The following FKBP5 variants were observed in gnomAD, a reference collection of about 807,000 sequenced individuals.
FKBP5 encodes the protein peptidyl-prolyl cis-trans isomerase FKBP5.
In FKBP5, 23 loss-of-function variants were observed where a neutral mutation model predicts 50.5. The observed-to-expected ratio is 0.46, with a 90% CI of 0.33 to 0.65. The LOEUF is 0.65. FKBP5 is among the 30% of genes least tolerant of loss of function. The pLI is 0.02. For missense variants in FKBP5, 411 were observed against 553.1 expected, an observed-to-expected ratio of 0.74 and a Z score of 2.58; for synonymous variants, 176 against 190.6, an observed-to-expected ratio of 0.92 and a Z score of 0.63.
At chr6:35,636,364 A>C (rs1764309344) in intron 3 of FKBP5, among the ~76,000 whole-genome samples, 1 of 152,242 alleles carries the variant, frequency 6.6e-6, no homozygotes, top group South Asian at 2.1e-4. Flanking sequence ...TCAGAAAAAC[A>C]CCTGCCAAAT....
chr6:35,578,143 C>A (rs749171318), intron 9 of FKBP5, among the ~76,000 whole-genome samples: 4 of 150,420 alleles, frequency 2.7e-5, no homozygotes, highest in South Asian at 2.1e-4. Context: ...TTAAAAAAAA[C>A]CATAAAATGT....
At position 35,706,745 on chromosome 6, in the gene FKBP5, T is replaced by A. The variant is rs181501403; in HGVS notation, c.-20+13583A>T. Among the ~76,000 whole-genome samples the A allele has an allele frequency of 7.9e-5, 12 of 152,322 alleles. No individual in the cohort carries two copies. The East Asian group carries it at 2.1e-3, about 27-fold the overall frequency. Reference sequence around the variant, plus strand: ...CATTCTATAGCTGTACTCCTACATGTTGGCCAAACTATATATACAACGATG... The same window carrying A: ...CATTCTATAGCTGTACTCCTACATGATGGCCAAACTATATATACAACGATG... On this transcript the variant is annotated intron_variant, in intron 2 of 11. Transcript: ENST00000536438.
chr6:35,716,793 C>T (rs942695595), intron 2 of FKBP5, among the ~76,000 whole-genome samples: 1 of 152,164 alleles, frequency 6.6e-6, no homozygotes, highest in Non-Finnish European at 1.5e-5. Flanking sequence ...AGAAGCCACC[C>T]TTCTGTTGAA....
chr6:35,613,878 C>A (rs1481910427), intron 5 of FKBP5, among the ~76,000 whole-genome samples: 4 of 152,084 alleles, frequency 2.6e-5, no homozygotes, highest in Admixed American at 2.6e-4. Context: ...TTAGTCATTG[C>A]CCTTTCTTTT....
chr6:35,637,136 C>A lies in FKBP5; in HGVS notation c.128G>T (p.Gly43Val). 2 of 1,608,782 alleles carry A rather than the reference C, an allele frequency of 1.2e-6. No individual in the cohort carries two copies. Among genetic ancestry groups the A allele is most frequent in the Non-Finnish European group, 1.7e-6 (2 of 1,178,948 alleles). Residue 43 changes from glycine (G) to valine (V), a missense_variant, in exon 3 of 11, where the codon GGT becomes GTT. By Grantham distance (109) the Gly-to-Val change is moderately radical. This residue lies in a region of FKBP5 where 56 missense variants were observed against 58.2 expected (regional missense o/e 0.96). Transcript: ENST00000357266. ...VLKIVKRVGN[G>V]EETPMIGDKV... is the part of the protein sequence containing the mutation. The stretch of plus-strand genomic sequence containing the variant: ...GTCTCCAATCATCGGCGTTTCCTCA[C>A]CATTCCCCACTCTTTTGACAATCTA...
At chr6:35,609,441 C>T (rs185706483) in intron 5 of FKBP5, among the ~76,000 whole-genome samples, 2 of 152,216 alleles carry the variant, frequency 1.3e-5, no homozygotes, top group South Asian at 2.1e-4. Context: ...ATAGCTTGTT[C>T]TTCCCTGGAA....
chr6:35,652,711 C>T (rs1353109243), intron 1 of FKBP5, among the ~76,000 whole-genome samples: 1 of 152,170 alleles, frequency 6.6e-6, no homozygotes, highest in Admixed American at 6.5e-5. Context: ...GTCCTGTGGT[C>T]CTGTGATCTC....
intron 3 of FKBP5, among the ~76,000 whole-genome samples, chr6:35,630,170 AAGAGAGAG>A (rs112790704): frequency 6.1e-5 from 9 of 146,718 alleles, no homozygotes; most frequent in East Asian, 4.0e-4. Context: ...AGGAGGAAGA[AAGAGAGAG>A]AGAGAGAGAG....
rs1490516268 is a variant in FKBP5 at position 35,575,294 on chromosome 6, T to C, written c.*541A>G. The C allele has an allele frequency of 6.5e-6, 1 of 152,996 alleles. No homozygotes were observed. 9.5% of individuals were successfully genotyped at this position (152,996 alleles called of 1,614,324 possible). The stretch of plus-strand genomic sequence containing the variant: ...CACGTCTGTGACACTGCTGTGGAAC[T>C]GGGGAGACATGAGACCCCTCTACTG... On this transcript the variant is annotated 3_prime_UTR_variant, in exon 11 of 11. Coordinates refer to ENST00000357266, the MANE Select transcript of FKBP5 (RefSeq NM_004117.4).
chr6:35,608,545 G>A, intron 5 of FKBP5, among the ~76,000 whole-genome samples: 1 of 152,044 alleles, frequency 6.6e-6, no homozygotes, highest in East Asian at 1.9e-4. Context: ...GATAAAAAAA[G>A]TTAGCTGGGT....
intron 1 of FKBP5, among the ~76,000 whole-genome samples, chr6:35,676,368 C>T (rs756296733): frequency 6.6e-5 from 10 of 152,046 alleles, no homozygotes; most frequent in Admixed American, 1.3e-4. Context: ...GTTTTTTTTC[C>T]TGAGAAACCA....
intron 1 of FKBP5, among the ~76,000 whole-genome samples, chr6:35,646,492 G>C (rs942443839): frequency 7.9e-5 from 12 of 152,142 alleles, no homozygotes; most frequent in African/African-American, 2.9e-4. Context: ...CTTAATTCCA[G>C]TTAAGCCATT....
chr6:35,621,923 G>A (rs903873206), intron 3 of FKBP5, among the ~76,000 whole-genome samples: 1 of 152,106 alleles, frequency 6.6e-6, no homozygotes, highest in Non-Finnish European at 1.5e-5. Context: ...AGGCTGCAGT[G>A]AGCTGAGATC....
chr6:35,693,979 C>T (rs1766042972), intron 2 of FKBP5, among the ~76,000 whole-genome samples: 1 of 151,860 alleles, frequency 6.6e-6, no homozygotes, highest in African/African-American at 2.4e-5. Flanking sequence ...AATCTGCTTC[C>T]ATTGTCAAAT....
chr6:35,690,850 T>C (rs866499417), upstream of FKBP5, among the ~76,000 whole-genome samples: 26 of 151,502 alleles, frequency 1.7e-4, no homozygotes, highest in Middle Eastern at 3.4e-3. Flanking sequence ...TTACTAAAAA[T>C]ACGAAATTAG....
intron 2 of FKBP5, among the ~76,000 whole-genome samples, chr6:35,710,430 A>T (rs1052704197): frequency 6.6e-6 from 1 of 151,918 alleles, no homozygotes; most frequent in Non-Finnish European, 1.5e-5. Context: ...TTGCACAACT[A>T]CACTCCAACC....
intron 10 of FKBP5, among the ~76,000 whole-genome samples, chr6:35,576,618 A>T (rs571518507): frequency 7.1e-6 from 1 of 140,532 alleles, no homozygotes; most frequent in East Asian, 2.3e-4. Flanking sequence ...GCAGTGAGCC[A>T]TGTTAGCACG....
chr6:35,585,500 A>G, intron 8 of FKBP5: 1 of 985,396 alleles, frequency 1.0e-6, no homozygotes, highest in African/African-American at 1.7e-5. Context: ...ACTTGAAAAT[A>G]TAACCTCTTT....
At chr6:35,724,803 G>A (rs918047224) in intron 1 of FKBP5, among the ~76,000 whole-genome samples, 2 of 151,482 alleles carry the variant, frequency 1.3e-5, no homozygotes, top group African/African-American at 4.9e-5. Flanking sequence ...ACAGACCTGA[G>A]TGTGAATCTC....
Sources: gnomAD v4.1 joint callset for allele counts (sites outside exome capture counted in the v4.1 genomes callset) on GRCh38, gnomAD v4.1.1 for gene constraint, gnomAD v4.1.1 regional missense constraint, MANE v1.5 for transcripts, NCBI Gene and HGNC (gene_info 2026-07-23, HGNC 2026-07-21) for gene names.